Variants in WDR91 observed in about 807,000 individuals in gnomAD.
WDR91 encodes the protein WD repeat-containing protein 91.
WDR91 carries 52 observed loss-of-function variants against 88.4 expected under a neutral mutation model. The ratio of observed to expected loss-of-function variants is 0.59; its 90% CI spans 0.47 to 0.74. WDR91 has a LOEUF of 0.74. Among genes scored for constraint, WDR91 ranks in the 30% least tolerant of loss-of-function variants. The pLI is 0.00. For missense variants in WDR91, 824 were observed against 954.5 expected (o/e 0.86, Z 1.80); for synonymous variants, 362 against 389.5 (o/e 0.93, Z 0.83).
At chr7:135,207,508 C>G in intron 3 of WDR91, 1 of 418,944 alleles carries the variant, frequency 2.4e-6, no homozygotes, top group Non-Finnish European at 4.8e-6. Context: ...AAGCAAAGAG[C>G]TAGCATCCAG....
intron 3 of WDR91, among the ~76,000 whole-genome samples, chr7:135,208,137 C>T (rs929733035): frequency 1.3e-5 from 2 of 152,192 alleles, no homozygotes; most frequent in African/African-American, 4.8e-5. Flanking sequence ...CCAGCCAGCC[C>T]CATTCAAGCC....
intron 7 of WDR91, 63 bp downstream of exon 7, chr7:135,197,930 C>G: frequency 6.4e-7 from 1 of 1,564,018 alleles, no homozygotes; most frequent in Non-Finnish European, 8.7e-7. Flanking sequence ...AAGAGAAGAC[C>G]CCCCACAGTG....
chr7:135,198,247 T>G (rs1585421457), intron 6 of WDR91, 96 bp from the exon 7 acceptor site: 8 of 1,387,708 alleles, frequency 5.8e-6, no homozygotes, highest in Admixed American at 2.3e-5. Flanking sequence ...GGGGGCGTGG[T>G]GGGTTGGGGG....
Position 135,189,440 on chromosome 7 carries a change from G to A in WDR91, c.1672C>T (p.Leu558=). Residue 558 remains leucine, a synonymous_variant, in exon 12 of 15, where the codon CTG becomes TTG. Coordinates refer to ENST00000354475, the MANE Select transcript of WDR91 (RefSeq NM_014149.4). ...TTGATAGCAATGGGTTCTGGATCCA[G>A]GGAGAACTGGAGCTATTGAAATAAA... The part of the protein sequence containing the change: ...KTMKQQLQFS[L]DPEPIAINCT... 5.6e-6 allele frequency: 9 copies of A among 1,613,772 alleles called. No homozygotes were observed. The highest frequency in any genetic ancestry group is 7.6e-6 in the Non-Finnish European group (9 of 1,179,772).
chr7:135,207,362 A>C (rs774304127), intron 3 of WDR91, 160 bp from the exon 4 acceptor site: 1 of 646,240 alleles, frequency 1.5e-6, no homozygotes, highest in East Asian at 3.3e-5. Flanking sequence ...GTCGCTCCCT[A>C]CAGTCTTGTC....
At chr7:135,210,135 A>G (rs1831958860) in intron 1 of WDR91, among the ~76,000 whole-genome samples, 1 of 152,186 alleles carries the variant, frequency 6.6e-6, no homozygotes, top group African/African-American at 2.4e-5. Context: ...GGATCACCTG[A>G]GGTCAGGAGT....
chr7:135,207,300 G>A, intron 3 of WDR91, 98 bp from the exon 4 acceptor site: 2 of 1,019,726 alleles, frequency 2.0e-6, no homozygotes, highest in Non-Finnish European at 3.0e-6. Flanking sequence ...CAGGGACACA[G>A]AGAACAGAGT....
At chr7:135,187,961 C>G (rs757956703) in intron 13 of WDR91, among the ~76,000 whole-genome samples, 3 of 152,186 alleles carry the variant, frequency 2.0e-5, no homozygotes, top group African/African-American at 4.8e-5. Context: ...CCCTCTGAGG[C>G]AGTCACTATT....
chr7:135,202,533 G>A (rs1179199446), intron 6 of WDR91, among the ~76,000 whole-genome samples: 1 of 152,190 alleles, frequency 6.6e-6, no homozygotes, highest in East Asian at 1.9e-4. Flanking sequence ...CCATTGCTTA[G>A]CTGTAAACTG....
intron 7 of WDR91, 28 bp downstream of exon 7, chr7:135,197,965 C>T (rs770679277): frequency 6.2e-7 from 1 of 1,609,834 alleles, no homozygotes; most frequent in East Asian, 2.2e-5. Context: ...CATGAGTGTC[C>T]CCAGGGGTGT....
intron 6 of WDR91, chr7:135,198,495 G>T (rs926541560): frequency 4.2e-6 from 1 of 240,332 alleles, no homozygotes; most frequent in Non-Finnish European, 8.1e-6. Context: ...CGGGGCCTAC[G>T]CTTGGTGTTA....
In WDR91 at chr7:135,205,934, G is replaced by C. The variant is rs199866195; in HGVS notation, c.719C>G (p.Ser240Trp). ...GGCCGTCACACACACTCACAGTTCCGAGTCCCCCAGGCGGTCCATGTTGGA... is the reference window on the plus strand; with the variant it reads ...GGCCGTCACACACACTCACAGTTCCCAGTCCCCCAGGCGGTCCATGTTGGA... ...YVSNMDRLGDSELAMVCSQRN... is the reference protein window; with the variant it reads ...YVSNMDRLGDWELAMVCSQRN... Residue 240 changes from serine (S) to tryptophan (W), a missense_variant, in exon 5 of 15, where the codon TCG (serine) becomes TGG (tryptophan). By Grantham distance (177) the Ser-to-Trp change is radical (BLOSUM62 -3). Transcript: ENST00000354475. 3.7e-5 allele frequency: 59 copies of C among 1,613,308 alleles called. No homozygotes were observed. The East Asian group carries it at 1.2e-3, about 33-fold the overall frequency.
intron 11 of WDR91, 59 bp from the exon 12 acceptor site, chr7:135,189,511 T>C: frequency 7.0e-7 from 1 of 1,427,892 alleles, no homozygotes; most frequent in East Asian, 2.3e-5. Context: ...GGCACGCTGC[T>C]TATTCCAATG....
chr7:135,186,948 C>T, intron 14 of WDR91, 24 bp downstream of exon 14: 1 of 1,612,644 alleles, frequency 6.2e-7, no homozygotes, highest in Non-Finnish European at 8.5e-7. Context: ...ATACCACTAC[C>T]TCCCACCCCC....
Position 135,209,692 on chromosome 7 carries a change from C to A in WDR91, c.187G>T (p.Asp63Tyr), listed in dbSNP as rs767477771. 3 of 1,613,608 alleles carry A rather than the reference C, an allele frequency of 1.9e-6. No homozygotes were observed. In the South Asian group the frequency reaches 3.3e-5, roughly 18 times the overall value. ...CGACGCTCCAAGTAGCTCCAATAATCCCGAAGGGCAGCCAAGTCATACACC... is the reference window on the plus strand; with the variant it reads ...CGACGCTCCAAGTAGCTCCAATAATACCGAAGGGCAGCCAAGTCATACACC... The part of the protein sequence containing the change: ...MQVYDLAALR[D>Y]YWSYLERRLF... Residue 63 changes from aspartate to tyrosine, a missense_variant, in exon 2 of 15, where the codon GAT becomes TAT. Coordinates refer to ENST00000354475, the MANE Select transcript of WDR91 (RefSeq NM_014149.4).
intron 3 of WDR91, 105 bp downstream of exon 3, chr7:135,208,686 G>C: frequency 9.4e-7 from 1 of 1,061,294 alleles, no homozygotes; most frequent in Non-Finnish European, 1.3e-6. Context: ...ATGGTCCCTG[G>C]GCATTTTTGT....
At chr7:135,199,709 A>T (rs2117680044) in intron 6 of WDR91, 1 of 152,392 alleles carries the variant, frequency 6.6e-6, no homozygotes, top group African/African-American at 2.4e-5. Flanking sequence ...CTGCCTTGGA[A>T]GCAAAGGTGG....
chr7:135,199,544 C>T (rs932423627), intron 6 of WDR91: 2 of 152,162 alleles, frequency 1.3e-5, no homozygotes, highest in Non-Finnish European at 2.9e-5. Context: ...GCAGTTGTGT[C>T]GTGTCCTGTT....
rs753704545 is a variant in WDR91, at chr7:135,207,152, C to A, written c.562G>T (p.Val188Phe). The A allele has an allele frequency of 6.2e-7, 1 of 1,608,160 alleles. No individual in the cohort carries two copies. Among genetic ancestry groups the A allele is most frequent in the African/African-American group, 1.3e-5 (1 of 74,704 alleles). Residue 188 changes from valine (V) to phenylalanine (F), a missense_variant, in exon 4 of 15, where the codon GTT (valine) becomes TTT (phenylalanine). Transcript: ENST00000354475. ...CGCAGAACTTCATTTTCTTCTTGAA[C>A]CTGGTTAGTCCTCTGACACTCCGCA... Reference protein sequence around the residue: ...FDAECQRTNQVQEENEVLRQK... With the variant: ...FDAECQRTNQFQEENEVLRQK...
Sources: allele counts gnomAD v4.1 joint callset (sites outside exome capture counted in the v4.1 genomes callset), GRCh38; gene constraint gnomAD v4.1.1; transcripts MANE v1.5; gene names NCBI Gene and HGNC (gene_info 2026-07-23, HGNC 2026-07-21).